The following MLLT10 variants were observed in gnomAD, a reference collection of about 807,000 sequenced individuals.
MLLT10 encodes MLLT10 histone lysine methyltransferase DOT1L cofactor.
In MLLT10, 30 loss-of-function variants were observed where a neutral mutation model predicts 129.1. The observed-to-expected ratio is 0.23, with a 90% CI of 0.17 to 0.32. MLLT10 has a LOEUF of 0.32. MLLT10 is among the 10% of genes least tolerant of loss of function. The pLI is 1.00. For missense variants in MLLT10, 1,119 were observed against 1,268.3 expected, an observed-to-expected ratio of 0.88 and a Z score of 1.79; for synonymous variants, 490 against 446.4, an observed-to-expected ratio of 1.10 and a Z score of -1.23.
rs1391789531 is a variant in MLLT10, at chr10:21,743,464, A to AT, written c.*1481_*1482insT. On this transcript the variant is annotated 3_prime_UTR_variant, in exon 23 of 23. Coordinates refer to ENST00000307729, the MANE Select transcript of MLLT10 (RefSeq NM_001195626.3). ...GTCAAATCTTTTGTAGATAATTTAA[A>AT]AAATCAGTGTGGTTTATTTTACTTA... 2.1e-5 allele frequency: 4 copies of AT among 191,636 alleles called. No homozygotes were observed. The highest frequency in any genetic ancestry group is 9.3e-5 in the African/African-American group (4 of 43,054). The allele number at this position is 191,636 out of a possible 1,614,324, so 11.9% of individuals were successfully genotyped here.
At chr10:21,620,659 C>CT (rs939094069) in intron 8 of MLLT10, among the ~76,000 whole-genome samples, 44 of 151,276 alleles carry the variant, frequency 2.9e-4, no homozygotes, top group African/African-American at 9.5e-4. Flanking sequence ...ACATATTTTT[C>CT]TTTTTTTTTA....
intron 3 of MLLT10, among the ~76,000 whole-genome samples, chr10:21,555,095 A>G (rs2037718283): frequency 6.6e-6 from 1 of 152,104 alleles, no homozygotes; most frequent in East Asian, 1.9e-4. Context: ...TGCTGGGATT[A>G]CAGGCGTGAG....
intron 8 of MLLT10, among the ~76,000 whole-genome samples, chr10:21,641,966 A>G (rs551588859): frequency 4.6e-5 from 7 of 152,350 alleles, no homozygotes; most frequent in African/African-American, 1.7e-4. Flanking sequence ...TTGCCAGGAC[A>G]CTGCAGTTGT....
chr10:21,690,346 C>A (rs1425678093), intron 13 of MLLT10, among the ~76,000 whole-genome samples: 2 of 151,944 alleles, frequency 1.3e-5, no homozygotes, highest in Non-Finnish European at 2.9e-5. Flanking sequence ...AACCCCCCAC[C>A]AAACCAAATT....
chr10:21,588,741 G>A (rs2042229688), intron 4 of MLLT10, among the ~76,000 whole-genome samples: 1 of 151,880 alleles, frequency 6.6e-6, no homozygotes, highest in Non-Finnish European at 1.5e-5. Flanking sequence ...TAATATTAGT[G>A]AGGTTCACAT....
intron 3 of MLLT10, among the ~76,000 whole-genome samples, chr10:21,563,486 G>A (rs1399714613): frequency 6.6e-6 from 1 of 152,040 alleles, no homozygotes; most frequent in Non-Finnish European, 1.5e-5. Context: ...TTGTGCCGCT[G>A]TACTCCACCC....
At chr10:21,704,053 T>C (rs2055218332) in intron 13 of MLLT10, among the ~76,000 whole-genome samples, 1 of 134,192 alleles carries the variant, frequency 7.5e-6, no homozygotes, top group African/African-American at 2.8e-5. Flanking sequence ...GGAGTGTTGC[T>C]CTGTTGCCCA....
At chr10:21,573,495 C>T (rs1030644036) in intron 3 of MLLT10, among the ~76,000 whole-genome samples, 1 of 151,918 alleles carries the variant, frequency 6.6e-6, no homozygotes, top group Non-Finnish European at 1.5e-5. Flanking sequence ...TTTTCTGTAT[C>T]TATTGAGATA....
chr10:21,598,716 C>T (rs2043237693), intron 5 of MLLT10, among the ~76,000 whole-genome samples: 1 of 152,112 alleles, frequency 6.6e-6, no homozygotes, highest in Non-Finnish European at 1.5e-5. Flanking sequence ...CCTGTCTCTA[C>T]TAAAAATACA....
At chr10:21,624,188 G>A (rs2046187130) in intron 8 of MLLT10, among the ~76,000 whole-genome samples, 1 of 152,062 alleles carries the variant, frequency 6.6e-6, no homozygotes. Flanking sequence ...AAACTACTAA[G>A]ACATAGCACT....
intron 9 of MLLT10, among the ~76,000 whole-genome samples, chr10:21,665,301 TGGGGGGG>T (rs60935994): frequency 8.9e-6 from 1 of 112,960 alleles, no homozygotes; most frequent in Non-Finnish European, 1.7e-5. Flanking sequence ...TTGTTTTTTT[TGGGGGGG>T]GGGGGGTTTC....
At chr10:21,717,740 C>CTCCTCCTCCTCT (rs2056798253) in intron 14 of MLLT10, among the ~76,000 whole-genome samples, 1 of 132,140 alleles carries the variant, frequency 7.6e-6, no homozygotes, top group African/African-American at 2.9e-5. Context: ...CCTCCTCTTC[C>CTCCTCCTCCTCT]TCCTCCTCTT....
At chr10:21,581,325 C>T (rs1215988532) in intron 3 of MLLT10, among the ~76,000 whole-genome samples, 5 of 152,062 alleles carry the variant, frequency 3.3e-5, no homozygotes, top group Non-Finnish European at 7.4e-5. Context: ...AGATTACAGG[C>T]GTGAGCCACT....
intron 3 of MLLT10, among the ~76,000 whole-genome samples, chr10:21,540,778 G>A (rs1295075295): frequency 1.3e-5 from 2 of 152,168 alleles, no homozygotes; most frequent in African/African-American, 4.8e-5. Context: ...GAATTAGACT[G>A]AAGGTAGAGA....
chr10:21,571,702 T>C (rs1463259942), intron 3 of MLLT10, among the ~76,000 whole-genome samples: 1 of 152,222 alleles, frequency 6.6e-6, no homozygotes, highest in East Asian at 1.9e-4. Context: ...ACTGATGATA[T>C]TCAGCACATT....
chr10:21,591,925 T>TATA (rs2042549140), intron 4 of MLLT10, among the ~76,000 whole-genome samples: 1 of 152,204 alleles, frequency 6.6e-6, no homozygotes, highest in African/African-American at 2.4e-5. Context: ...TTCACTATAT[T>TATA]GGCCAGGCTG....
intron 21 of MLLT10, among the ~76,000 whole-genome samples, chr10:21,739,579 T>G (rs981871185): frequency 2.6e-4 from 39 of 152,230 alleles, no homozygotes; most frequent in African/African-American, 8.7e-4. Flanking sequence ...GCCTGGCACC[T>G]AGTAAGCACT....
intron 8 of MLLT10, among the ~76,000 whole-genome samples, chr10:21,647,535 A>G (rs1164178993): frequency 6.6e-6 from 1 of 152,160 alleles, no homozygotes; most frequent in African/African-American, 2.4e-5. Flanking sequence ...CATTTTCTCT[A>G]GTAATGTATG....
At chr10:21,583,711 C>G (rs2041698627) in intron 3 of MLLT10, among the ~76,000 whole-genome samples, 1 of 152,082 alleles carries the variant, frequency 6.6e-6, no homozygotes, top group African/African-American at 2.4e-5. Flanking sequence ...CTAACAACAG[C>G]AAGAAACTCA....
Sources: allele counts gnomAD v4.1 joint callset (sites outside exome capture counted in the v4.1 genomes callset), GRCh38; gene constraint gnomAD v4.1.1; transcripts MANE v1.5; gene names NCBI Gene and HGNC (gene_info 2026-07-23, HGNC 2026-07-21).